The following RAX variants were observed in gnomAD, a reference collection of about 807,000 sequenced individuals.
The protein encoded by RAX is retinal homeobox protein Rx.
A neutral mutation model predicts 17.4 loss-of-function variants in RAX; 11 were observed. The observed-to-expected ratio is 0.63, with a 90% CI of 0.40 to 1.05. The LOEUF is 1.05. Among genes scored for constraint, RAX ranks in the 50% least tolerant of loss-of-function variants. The probability of loss-of-function intolerance (pLI) is 0.00; values close to 1 mark genes in which losing one functional copy is unlikely to be tolerated. For synonymous variants in RAX, 276 were observed against 254.7 expected, an observed-to-expected ratio of 1.08 and a Z score of -0.80; for missense variants, 527 against 501.1, an observed-to-expected ratio of 1.05 and a Z score of -0.49.
chr18:59,270,681 A>G (rs1015228347), intron 2 of RAX, among the ~76,000 whole-genome samples: 16 of 152,204 alleles, frequency 1.1e-4, no homozygotes, highest in African/African-American at 3.1e-4. Flanking sequence ...CCCCGAGGAG[A>G]GCTGAAAGAA....
chr18:59,269,951 C>T (rs1208403083), intron 2 of RAX, among the ~76,000 whole-genome samples: 2 of 152,194 alleles, frequency 1.3e-5, no homozygotes, highest in African/African-American at 2.4e-5. Context: ...CGAGATCTCA[C>T]CAATTTTCTG....
chr18:59,269,560 A>G (rs1451007673), intron 2 of RAX, 59 bp from the exon 3 acceptor site: 44 of 1,575,306 alleles, frequency 2.8e-5, no homozygotes, highest in Admixed American at 3.4e-5. Flanking sequence ...CGCGTCCCCA[A>G]CCCTGAGCCG....
chr18:59,269,383 A>T lies in RAX; in HGVS notation c.662T>A (p.Leu221Gln). 1 of 1,500,820 alleles carries T rather than the reference A, an allele frequency of 6.7e-7. No homozygotes were observed. Among genetic ancestry groups the T allele is most frequent in the Non-Finnish European group, 8.8e-7 (1 of 1,130,168 alleles). 93.0% of individuals were successfully genotyped at this position (1,500,820 alleles called of 1,614,324 possible). A position where few individuals can be genotyped will look rare whatever the true frequency, so the allele number is the denominator to read the frequency against. Reference protein sequence around the residue: ...SFSRSPPSATLSPLGAGPGSG... With the variant: ...SFSRSPPSATQSPLGAGPGSG... ...GCCCGGGCCCGCCCCGAGGGGCGAC[A>T]GCGTCGCGGAGGGCGGGGAGCGGCT... The change falls in exon 3 of 3, where the codon CTG becomes CAG. Residue 221 changes from leucine (L) to glutamine (Q), a missense_variant. Transcript: ENST00000334889.
intron 2 of RAX, among the ~76,000 whole-genome samples, chr18:59,271,966 G>A (rs1394354649): frequency 1.3e-5 from 2 of 152,188 alleles, no homozygotes; most frequent in Non-Finnish European, 2.9e-5. Context: ...CTCGGTATTC[G>A]CAGCTAGTGA....
chr18:59,272,766 C>G, intron 1 of RAX, 152 bp from the exon 2 acceptor site: 1 of 1,367,826 alleles, frequency 7.3e-7, no homozygotes, highest in Non-Finnish European at 9.7e-7. Context: ...CCTAAGCTTT[C>G]TCTGAATGCA....
At chr18:59,270,634 G>A (rs2070330671) in intron 2 of RAX, among the ~76,000 whole-genome samples, 1 of 152,216 alleles carries the variant, frequency 6.6e-6, no homozygotes, top group African/African-American at 2.4e-5. Flanking sequence ...AACCTCAGAA[G>A]GGAGAAAGTA....
In RAX at chr18:59,268,937, T is replaced by G. The variant is rs1216206048; in HGVS notation, c.*67A>C. On this transcript the variant is annotated 3_prime_UTR_variant, in exon 3 of 3. Coordinates refer to ENST00000334889, the MANE Select transcript of RAX (RefSeq NM_013435.3). This position sits in a 1 kb window ranked among gnomAD's most constrained non-coding sequence, Gnocchi z 4.4. ...CCGAGCTGGGGAGGGGGGTTGTCCC[T>G]GGGAGAGAGGATGCGGGTACGGTGC... 3 of 1,611,450 alleles carry G rather than the reference T, an allele frequency of 1.9e-6. No homozygotes were observed. The East Asian group carries it at 6.7e-5, about 36-fold the overall frequency.
rs1325479694 is a variant in RAX, at chr18:59,269,164, T to C, written c.881A>G (p.Gln294Arg). Residue 294 changes from glutamine to arginine, a missense_variant, in exon 3 of 3, where the codon CAA becomes CGA. Transcript: ENST00000334889. Reference sequence around the variant, plus strand: ...GGAGGGCGGCGGCGGCGCGAGAGGTTGCAGGCCGGGGCCCAACGGCGGGGA... The same window carrying C: ...GGAGGGCGGCGGCGGCGCGAGAGGTCGCAGGCCGGGGCCCAACGGCGGGGA... ...LNSPPLGPGL[Q>R]PLAPPPPSYP... The C allele has an allele frequency of 6.4e-7, 1 of 1,570,684 alleles. No homozygotes were observed.
rs907912129 is a variant in RAX, at chr18:59,267,221, G to A, written c.*1783C>T. 6.6e-6 allele frequency: 1 copy of A among 152,210 alleles called. No individual in the cohort carries two copies. Among genetic ancestry groups the A allele is most frequent in the African/African-American group, 2.4e-5 (1 of 41,436 alleles). 9.4% of individuals were successfully genotyped at this position (152,210 alleles called of 1,614,324 possible). The stretch of plus-strand genomic sequence containing the variant: ...TACTGTGTGCAAGGCACCATCTGGA[G>A]GTCTAGGGGTACACAGCCCTGGTTA... On this transcript the variant is annotated 3_prime_UTR_variant, in exon 3 of 3. Coordinates refer to ENST00000334889, the MANE Select transcript of RAX (RefSeq NM_013435.3).
At position 59,273,380 on chromosome 18, in the gene RAX, C is replaced by A. The variant is rs948490692; in HGVS notation, c.-174G>T. On this transcript the variant is annotated 5_prime_UTR_variant, in exon 1 of 3. Coordinates refer to ENST00000334889, the MANE Select transcript of RAX (RefSeq NM_013435.3). ...GGTGGCCGAGCGCTCAGCCCGCTGC[C>A]GCCTTAGTCCCAGAAGTCGGAAGTT... 34 of 673,794 alleles carry A rather than the reference C, an allele frequency of 5.0e-5. No homozygotes were observed. The African/African-American group carries it at 6.0e-4, about 12-fold the overall frequency. 41.7% of individuals were successfully genotyped at this position (673,794 alleles called of 1,614,324 possible).
chr18:59,269,142 G>GGGC lies in RAX; in HGVS notation c.900_902dup (p.Pro301dup), dbSNP rs747555161. 3.0e-5 allele frequency: 48 copies of GGGC among 1,598,260 alleles called. No homozygotes were observed. The highest frequency in any genetic ancestry group is 2.6e-4 in the South Asian group (23 of 89,686). On this transcript the variant is annotated inframe_insertion, in exon 3 of 3. Transcript: ENST00000334889. ...CGAAGCCGGGCCCGCACGGGTAGGA[G>GGGC]GGCGGCGGCGGCGCGAGAGGTTGCA...
At chr18:59,271,844 T>G (rs1029017804) in intron 2 of RAX, among the ~76,000 whole-genome samples, 1 of 152,256 alleles carries the variant, frequency 6.6e-6, no homozygotes, top group African/African-American at 2.4e-5. Context: ...AGCGAGAAGT[T>G]TGGTTGGATG....
Position 59,273,428 on chromosome 18 carries a change from C to G in RAX, c.-222G>C. 1 of 560,140 alleles carries G rather than the reference C, an allele frequency of 1.8e-6. No homozygotes were observed. Among genetic ancestry groups the G allele is most frequent in the Admixed American group, 3.5e-5 (1 of 28,788 alleles). The allele number at this position is 560,140 out of a possible 1,614,324, so 34.7% of individuals were successfully genotyped here. Reference sequence around the variant, plus strand: ...GTTCGGGCTCGGGGTAGCTGGGGCTCTCGGCGCTAAAGGCGGGGAGCCAAC... The same window carrying G: ...GTTCGGGCTCGGGGTAGCTGGGGCTGTCGGCGCTAAAGGCGGGGAGCCAAC... On this transcript the variant is annotated 5_prime_UTR_variant, in exon 1 of 3. Coordinates refer to ENST00000334889, the MANE Select transcript of RAX (RefSeq NM_013435.3).
Position 59,273,001 on chromosome 18 carries a change from G to T in RAX, c.206C>A (p.Ala69Glu), listed in dbSNP as rs1484643719. The T allele has an allele frequency of 5.2e-6, 8 of 1,525,366 alleles. No homozygotes were observed. The highest frequency in any genetic ancestry group is 1.2e-5 in the South Asian group (1 of 83,146). The allele number at this position is 1,525,366 out of a possible 1,614,324, so 94.5% of individuals were successfully genotyped here. A position where few individuals can be genotyped will look rare whatever the true frequency, so the allele number is the denominator to read the frequency against. Residue 69 changes from alanine to glutamate, a missense_variant, in exon 1 of 3, where the codon GCG (alanine) becomes GAG (glutamate). Ala to Glu is a moderately radical substitution (Grantham distance 107). Coordinates refer to ENST00000334889, the MANE Select transcript of RAX (RefSeq NM_013435.3). ...GGGCGCCTTGGGGCAGGCGGGCCGC[G>T]CGCCCAGCCTCCTATCCCGCTCCTT... is the stretch of plus-strand genomic sequence containing the variant. ...GAKERDRRLG[A>E]RPACPKAPEE...
At chr18:59,270,120 T>G (rs2070325393) in intron 2 of RAX, among the ~76,000 whole-genome samples, 1 of 152,214 alleles carries the variant, frequency 6.6e-6, no homozygotes, top group Non-Finnish European at 1.5e-5. Context: ...GTAGAGTAAT[T>G]GGCAAGAATG....
chr18:59,268,890 GC>G lies in RAX; in HGVS notation c.*113del, dbSNP rs1173078066. On this transcript the variant is annotated 3_prime_UTR_variant, in exon 3 of 3. Transcript: ENST00000334889. This position sits in a 1 kb window ranked among gnomAD's most constrained non-coding sequence, Gnocchi z 4.4. Reference sequence around the variant, plus strand: ...CCTGAACTATGCTTGGCGGGTGGCTGCAGGCGACAGGGAAAGAGGGGCCGAG... The same window carrying G: ...CCTGAACTATGCTTGGCGGGTGGCTGAGGCGACAGGGAAAGAGGGGCCGAG... The G allele has an allele frequency of 6.5e-7, 1 of 1,532,942 alleles. No homozygotes were observed. Among genetic ancestry groups the G allele is most frequent in the East Asian group, 2.3e-5 (1 of 43,418 alleles). The allele number at this position is 1,532,942 out of a possible 1,614,324, so 95.0% of individuals were successfully genotyped here.
Position 59,268,972 on chromosome 18 carries a change from G to A in RAX, c.*32C>T, listed in dbSNP as rs1480457709. On this transcript the variant is annotated 3_prime_UTR_variant, in exon 3 of 3. Coordinates refer to ENST00000334889, the MANE Select transcript of RAX (RefSeq NM_013435.3). This position sits in a 1 kb window ranked among gnomAD's most constrained non-coding sequence, Gnocchi z 4.4. Reference sequence around the variant, plus strand: ...GATGCGGGTACGGTGCGGTCGGCCCGGGGTCGGATCCCAAGACGTTCCCCA... The same window carrying A: ...GATGCGGGTACGGTGCGGTCGGCCCAGGGTCGGATCCCAAGACGTTCCCCA... The A allele has an allele frequency of 5.6e-6, 9 of 1,612,688 alleles. No homozygotes were observed. The highest frequency in any genetic ancestry group is 4.4e-5 in the South Asian group (4 of 91,090).
In RAX at chr18:59,267,848, G is replaced by A. The variant is rs746879063; in HGVS notation, c.*1156C>T. On this transcript the variant is annotated 3_prime_UTR_variant, in exon 3 of 3. Transcript: ENST00000334889. ...GCCAAAGAACTGCAGATACTGTCCA[G>A]GGCACGCCCGCAAGAACTAGCTCTC... 2.0e-5 allele frequency: 3 copies of A among 152,236 alleles called. No homozygotes were observed. Among genetic ancestry groups the A allele is most frequent in the Admixed American group, 6.5e-5 (1 of 15,274 alleles). 9.4% of individuals were successfully genotyped at this position (152,236 alleles called of 1,614,324 possible).
rs2070303753 is a variant in RAX, at chr18:59,268,668, T to A, written c.*336A>T. 6 of 446,168 alleles carry A rather than the reference T, an allele frequency of 1.3e-5. No individual in the cohort carries two copies. Among genetic ancestry groups the A allele is most frequent in the Non-Finnish European group, 2.4e-5 (6 of 250,046 alleles). 27.6% of individuals were successfully genotyped at this position (446,168 alleles called of 1,614,324 possible). A position where few individuals can be genotyped will look rare whatever the true frequency, so the allele number is the denominator to read the frequency against. ...CCAAGCCTCCTGGGAATGGCCAAGTTTAGGAGCTTCAGCCTGTTTGGGCCT... is the reference window on the plus strand; with the variant it reads ...CCAAGCCTCCTGGGAATGGCCAAGTATAGGAGCTTCAGCCTGTTTGGGCCT... On this transcript the variant is annotated 3_prime_UTR_variant, in exon 3 of 3. Transcript: ENST00000334889. The surrounding 1 kb of genome is among the most constrained non-coding windows in gnomAD (Gnocchi z 4.4).
Sources: allele counts gnomAD v4.1 joint callset (sites outside exome capture counted in the v4.1 genomes callset), GRCh38; gene constraint gnomAD v4.1.1; non-coding constraint Gnocchi (gnomAD v3.1); transcripts MANE v1.5; gene names NCBI Gene and HGNC (gene_info 2026-07-23, HGNC 2026-07-21).